The following STRADA variants were observed in gnomAD, a reference collection of about 807,000 sequenced individuals.
STRADA encodes STE20-related kinase adapter protein alpha.
Under a neutral mutation model 55.0 loss-of-function variants are expected in STRADA, and 26 were observed. The ratio of observed to expected loss-of-function variants is 0.47; its 90% CI spans 0.35 to 0.66. STRADA has a LOEUF of 0.66. Ranked by LOEUF, STRADA falls within the 30% of genes least tolerant of loss-of-function variation. The pLI, the probability that STRADA is intolerant of heterozygous loss-of-function variation, is 0.01. For missense variants in STRADA, 443 were observed against 549.7 expected (o/e 0.81, Z 1.94); for synonymous variants, 197 against 210.9 (o/e 0.93, Z 0.57).
At chr17:63,730,477 C>T (rs1321759529) in intron 1 of STRADA, among the ~76,000 whole-genome samples, 1 of 151,486 alleles carries the variant, frequency 6.6e-6, no homozygotes, top group Non-Finnish European at 1.5e-5. Flanking sequence ...CTCACTGCAA[C>T]CTCTGCCTCC....
intron 1 of STRADA, among the ~76,000 whole-genome samples, chr17:63,729,068 G>C (rs1598247767): frequency 6.6e-6 from 1 of 151,634 alleles, no homozygotes; most frequent in East Asian, 1.9e-4. Flanking sequence ...ACTTCTTATA[G>C]AGACAGGGTC....
intron 8 of STRADA, among the ~76,000 whole-genome samples, chr17:63,709,540 T>G (rs1370825996): frequency 6.6e-6 from 1 of 152,208 alleles, no homozygotes; most frequent in Non-Finnish European, 1.5e-5. Flanking sequence ...ACCTTTTTCA[T>G]GGTATCTTGT....
At chr17:63,725,726 G>A (rs1401203023) in intron 3 of STRADA, 1 of 151,418 alleles carries the variant, frequency 6.6e-6, no homozygotes, top group Non-Finnish European at 1.5e-5. Context: ...CTGGAGTGCA[G>A]TGGCGCGATC....
chr17:63,730,955 C>A (rs1465728903), intron 1 of STRADA, among the ~76,000 whole-genome samples: 2 of 149,960 alleles, frequency 1.3e-5, no homozygotes, highest in Non-Finnish European at 3.0e-5. Context: ...CCCTGATATT[C>A]TTTTTTTTTG....
At chr17:63,740,107 T>TATATATATATATATATATATATATATAC (rs1309095081) in intron 1 of STRADA, among the ~76,000 whole-genome samples, 20 of 49,642 alleles carry the variant, frequency 4.0e-4, no homozygotes, top group African/African-American at 9.5e-4. Flanking sequence ...TATATATATA[T>TATATATATATATATATATATATATATAC]ACATACATAC....
intron 3 of STRADA, chr17:63,723,603 T>C (rs921058231): frequency 1.0e-5 from 4 of 395,054 alleles, no homozygotes; most frequent in East Asian, 8.1e-5. Flanking sequence ...AACTCAACTC[T>C]TACATTTCTG....
At chr17:63,741,569 G>C (rs951341527) in intron 1 of STRADA, 172 bp downstream of exon 1, 1 of 152,502 alleles carries the variant, frequency 6.6e-6, no homozygotes, top group Non-Finnish European at 1.5e-5. Flanking sequence ...CTCGGGCTGC[G>C]GCGCCTCATT....
At chr17:63,724,094 GAA>G (rs886568756) in intron 3 of STRADA, 1 of 151,918 alleles carries the variant, frequency 6.6e-6, no homozygotes, top group African/African-American at 2.4e-5. Context: ...TACAAAATCA[GAA>G]AAGTCTAGTT....
rs1447251706 is a variant in STRADA, at chr17:63,703,655, T to C, written c.1240A>G (p.Ile414Val). ...TCCAGGTTTGTTACCAGGCCAAAGA[T>C]TCCACTGTGGTCCTGAGACTGGCTG... is the stretch of plus-strand genomic sequence containing the variant. ...EGSQSQDHSG[I>V]FGLVTNLEEL... Residue 414 changes from isoleucine (I) to valine (V), a missense_variant, in exon 13 of 13, where the codon ATC becomes GTC. Coordinates refer to ENST00000336174, the MANE Select transcript of STRADA (RefSeq NM_001003787.4). 1.9e-6 allele frequency: 3 copies of C among 1,614,076 alleles called. No individual in the cohort carries two copies. The African/African-American group carries it at 4.0e-5, about 22-fold the overall frequency.
Position 63,703,459 on chromosome 17 carries a change from C to T in STRADA, c.*140G>A. Reference sequence around the variant, plus strand: ...TCTCTCCAGGATTTTCTTTCCCAATCAGTCAGCAGTCAACTTTCCTGGAAG... The same window carrying T: ...TCTCTCCAGGATTTTCTTTCCCAATTAGTCAGCAGTCAACTTTCCTGGAAG... On this transcript the variant is annotated 3_prime_UTR_variant, in exon 13 of 13. Transcript: ENST00000336174. 1 of 782,438 alleles carries T rather than the reference C, an allele frequency of 1.3e-6. No individual in the cohort carries two copies. Among genetic ancestry groups the T allele is most frequent in the South Asian group, 1.9e-5 (1 of 53,306 alleles). The allele number at this position is 782,438 out of a possible 1,614,324, so 48.5% of individuals were successfully genotyped here. A position where few individuals can be genotyped will look rare whatever the true frequency, so the allele number is the denominator to read the frequency against.
Position 63,714,013 on chromosome 17 carries a change from A to C in STRADA, c.219T>G (p.Thr73=). Residue 73 remains threonine (T), a synonymous_variant, in exon 5 of 13, where the codon ACT becomes ACG. Transcript: ENST00000336174. ...GACGGCCCCTGCACATACCTATCAC[A>C]GTGAGCAGCTCGTAACACCCTCCCT... ...LPEGGCYELL[T]VIGKGFEDLM... 1 of 1,613,556 alleles carries C rather than the reference A, an allele frequency of 6.2e-7. No homozygotes were observed. Among genetic ancestry groups the C allele is most frequent in the Non-Finnish European group, 8.5e-7 (1 of 1,179,524 alleles).
chr17:63,733,732 T>C (rs145816737), intron 1 of STRADA, among the ~76,000 whole-genome samples: 12 of 152,368 alleles, frequency 7.9e-5, no homozygotes, highest in African/African-American at 2.9e-4. Context: ...GTATGGTTTA[T>C]GCTGAACACC....
At chr17:63,740,597 C>CTAAA (rs1289657084) in intron 1 of STRADA, among the ~76,000 whole-genome samples, 1 of 152,130 alleles carries the variant, frequency 6.6e-6, no homozygotes, top group Non-Finnish European at 1.5e-5. Context: ...AGGCACTGTG[C>CTAAA]TAAATGCTTC....
At chr17:63,732,534 G>A (rs2038141486) in intron 1 of STRADA, among the ~76,000 whole-genome samples, 1 of 151,872 alleles carries the variant, frequency 6.6e-6, no homozygotes, top group Admixed American at 6.6e-5. Flanking sequence ...GGTGGTTCAT[G>A]TCTGTAGTCC....
intron 6 of STRADA, 55 bp downstream of exon 6, chr17:63,713,351 C>T: frequency 1.3e-6 from 2 of 1,588,010 alleles, no homozygotes; most frequent in South Asian, 1.2e-5. Context: ...CTTGTAATTC[C>T]TATCAGAGCC....
rs922514948 is a variant in STRADA, at chr17:63,714,099, C to T, written c.133G>A (p.Ala45Thr). ...AAGGATGCTATTGACTCTGAGCTCGCATCATTGGTCTAAAAAAGAAAAAGA... is the reference window on the plus strand; with the variant it reads ...AAGGATGCTATTGACTCTGAGCTCGTATCATTGGTCTAAAAAAGAAAAAGA... ...PGDTRRKTNDASSESIASFSK... is the reference protein window; with the variant it reads ...PGDTRRKTNDTSSESIASFSK... The change falls in exon 5 of 13, where the codon GCG (alanine) becomes ACG (threonine). Residue 45 changes from alanine (A) to threonine (T), a missense_variant. Ala to Thr is a moderately conservative substitution (Grantham distance 58). Coordinates refer to ENST00000336174, the MANE Select transcript of STRADA (RefSeq NM_001003787.4). The T allele has an allele frequency of 1.3e-6, 2 of 1,592,128 alleles. No homozygotes were observed. The highest frequency in any genetic ancestry group is 2.7e-5 in the African/African-American group (2 of 74,190).
intron 3 of STRADA, among the ~76,000 whole-genome samples, chr17:63,724,560 G>A (rs1598227416): frequency 6.6e-6 from 1 of 151,828 alleles, no homozygotes; most frequent in African/African-American, 2.4e-5. Flanking sequence ...ACAGGCGTGC[G>A]CCACCATGCT....
At position 63,726,694 on chromosome 17, in the gene STRADA, C is replaced by A. The variant is rs528919447; in HGVS notation, c.38G>T (p.Arg13Leu). Residue 13 changes from arginine to leucine, a missense_variant and splice_region_variant, in exon 3 of 13, where the codon CGG becomes CTG. Transcript: ENST00000336174. The part of the protein sequence containing the change: ...FLVSKPERIR[R>L]WVSEKFIVEG... The stretch of plus-strand genomic sequence containing the variant: ...AACAATGAACTTTTCCGAGACCCAC[C>A]GCTAAAGAGGAAAACCCCAAAGAGA... 7 of 1,614,020 alleles carry A rather than the reference C, an allele frequency of 4.3e-6. No homozygotes were observed. The highest frequency in any genetic ancestry group is 2.2e-5 in the East Asian group (1 of 44,868).
intron 1 of STRADA, among the ~76,000 whole-genome samples, chr17:63,736,098 C>G (rs150931295): frequency 7.9e-5 from 12 of 152,054 alleles, no homozygotes; most frequent in Non-Finnish European, 1.6e-4. Flanking sequence ...TGTGCCACTA[C>G]GCCCGGCTGA....
Sources: gnomAD v4.1 joint callset for allele counts (sites outside exome capture counted in the v4.1 genomes callset) on GRCh38, gnomAD v4.1.1 for gene constraint, MANE v1.5 for transcripts, NCBI Gene and HGNC (gene_info 2026-07-23, HGNC 2026-07-21) for gene names.